Variants in CWF19L2 observed in about 807,000 individuals in gnomAD.
CWF19L2 encodes the protein CWF19 like cell cycle control factor 2.
Under a neutral mutation model 111.7 loss-of-function variants are expected in CWF19L2, and 98 were observed. That is an observed-to-expected ratio of 0.88 (90% CI 0.75 to 1.04). CWF19L2 has a LOEUF of 1.04. Ranked by LOEUF, CWF19L2 falls within the 50% of genes least tolerant of loss-of-function variation. The pLI, the probability that CWF19L2 is intolerant of heterozygous loss-of-function variation, is 0.00. For synonymous variants in CWF19L2, 351 were observed against 342.9 expected, an observed-to-expected ratio of 1.02 and a Z score of -0.26; for missense variants, 1,101 against 1,051.4, an observed-to-expected ratio of 1.05 and a Z score of -0.65.
intron 12 of CWF19L2, among the ~76,000 whole-genome samples, chr11:107,378,597 TCA>T (rs1860632097): frequency 6.6e-6 from 1 of 152,014 alleles, no homozygotes; most frequent in African/African-American, 2.4e-5. Flanking sequence ...AAGGGGAACA[TCA>T]CATTCTGGGG....
At chr11:107,393,613 T>C (rs1177069889) in intron 10 of CWF19L2, among the ~76,000 whole-genome samples, 1 of 152,228 alleles carries the variant, frequency 6.6e-6, no homozygotes, top group Non-Finnish European at 1.5e-5. Flanking sequence ...ATTCACACAA[T>C]TGCCAAGTCA....
Position 107,349,000 on chromosome 11 carries a change from T to A in CWF19L2, c.2139A>T (p.Ile713=). 1 of 1,611,276 alleles carries A rather than the reference T, an allele frequency of 6.2e-7. No individual in the cohort carries two copies. Among genetic ancestry groups the A allele is most frequent in the South Asian group, 1.1e-5 (1 of 90,920 alleles). The change falls in exon 14 of 18, where the codon ATA becomes ATT. Residue 713 remains isoleucine (I), a synonymous_variant. Transcript: ENST00000282251. The part of the protein sequence containing the change: ...VRSLTEGHCL[I]VPLQHHRAAT... The stretch of plus-strand genomic sequence containing the variant: ...CTGCTCTATGGTGCTGCAAAGGGAC[T>A]ATCAGGCAGTGCCCCTCAGTAAGAG...
chr11:107,376,116 T>C (rs1364084276), intron 12 of CWF19L2, among the ~76,000 whole-genome samples: 2,845 of 113,014 alleles, frequency 0.025, 406 homozygotes, highest in African/African-American at 0.098. Flanking sequence ...ATTGTGGCAA[T>C]AATCAATAGC....
At chr11:107,330,365 T>C (rs781439554) in intron 16 of CWF19L2, among the ~76,000 whole-genome samples, 16 of 152,164 alleles carry the variant, frequency 1.1e-4, no homozygotes, top group Non-Finnish European at 2.1e-4. Flanking sequence ...AATAAGTATA[T>C]GCCTTCTTGT....
At chr11:107,394,472 A>T (rs544012101) in intron 10 of CWF19L2, among the ~76,000 whole-genome samples, 5 of 152,158 alleles carry the variant, frequency 3.3e-5, no homozygotes, top group African/African-American at 1.2e-4. Flanking sequence ...ATCTTCCCTG[A>T]TTTGAAAGCA....
intron 13 of CWF19L2, among the ~76,000 whole-genome samples, chr11:107,351,058 A>C (rs1023815088): frequency 3.3e-5 from 5 of 152,232 alleles, no homozygotes; most frequent in Non-Finnish European, 5.9e-5. Context: ...TCTGAAAGCC[A>C]GATCTGACTA....
intron 12 of CWF19L2, among the ~76,000 whole-genome samples, chr11:107,370,263 T>C (rs953584931): frequency 7.3e-6 from 1 of 137,102 alleles, no homozygotes; most frequent in African/African-American, 2.9e-5. Flanking sequence ...GCTAAACAGA[T>C]ATGCTCAATA....
In CWF19L2 at chr11:107,428,979, G is replaced by A. The variant is rs1414063427; in HGVS notation, c.1253C>T (p.Ser418Leu). 1.9e-6 allele frequency: 3 copies of A among 1,613,636 alleles called. No homozygotes were observed. ...PTKNSEERLT[S>L]WSRSDGRGDK... ...TCCTCTCCCATCAGAGCGACTCCAT[G>A]ATGTTAATCTTTCTTCACTGTTCTT... The change falls in exon 8 of 18, where the codon TCA (serine) becomes TTA (leucine). Residue 418 changes from serine (S) to leucine (L), a missense_variant. Physicochemically the swap from Ser to Leu is moderately radical, Grantham distance 145 (BLOSUM62 -2). Transcript: ENST00000282251.
At chr11:107,337,364 G>GTT (rs1208150768) in intron 14 of CWF19L2, among the ~76,000 whole-genome samples, 10 of 123,828 alleles carry the variant, frequency 8.1e-5, no homozygotes, top group Non-Finnish European at 1.3e-4. Context: ...GGAGGTGTGT[G>GTT]TTTTGTGTGT....
At chr11:107,436,471 T>A (rs1489359898) in intron 6 of CWF19L2, among the ~76,000 whole-genome samples, 1 of 152,180 alleles carries the variant, frequency 6.6e-6, no homozygotes, top group East Asian at 1.9e-4. Flanking sequence ...AAAATAGTGA[T>A]AAACTATCAG....
intron 1 of CWF19L2, among the ~76,000 whole-genome samples, chr11:107,456,416 A>T (rs1334370878): frequency 6.6e-6 from 1 of 152,002 alleles, no homozygotes; most frequent in Non-Finnish European, 1.5e-5. Context: ...CCCTCCAAAA[A>T]CTGCTGGAAA....
At chr11:107,402,873 G>GTATA (rs145828149) in intron 10 of CWF19L2, among the ~76,000 whole-genome samples, 3,709 of 94,218 alleles carry the variant, frequency 0.039, 222 homozygotes, top group South Asian at 0.059. Flanking sequence ...ACTGTGGTGT[G>GTATA]TATATATATA....
At chr11:107,338,297 T>C (rs1330552579) in intron 14 of CWF19L2, among the ~76,000 whole-genome samples, 1 of 152,168 alleles carries the variant, frequency 6.6e-6, no homozygotes, top group African/African-American at 2.4e-5. Context: ...CATTCCCTTC[T>C]TCTACCTTCC....
intron 10 of CWF19L2, chr11:107,403,819 C>A (rs1341516109): frequency 6.0e-6 from 5 of 837,850 alleles, no homozygotes; most frequent in South Asian, 1.3e-5. Context: ...GACCGCACAA[C>A]CTTTTAAGTT....
At chr11:107,357,950 C>T (rs972062282) in intron 12 of CWF19L2, among the ~76,000 whole-genome samples, 2 of 152,084 alleles carry the variant, frequency 1.3e-5, no homozygotes, top group African/African-American at 4.8e-5. Flanking sequence ...AAATATGCCT[C>T]TTCATCATTT....
At chr11:107,426,201 C>T (rs1195907630) in intron 8 of CWF19L2, among the ~76,000 whole-genome samples, 1 of 151,474 alleles carries the variant, frequency 6.6e-6, no homozygotes, top group African/African-American at 2.4e-5. Flanking sequence ...AAGGGCAAAA[C>T]ATATGACTAG....
chr11:107,377,899 A>T (rs1211785348), intron 12 of CWF19L2, among the ~76,000 whole-genome samples: 14 of 150,746 alleles, frequency 9.3e-5, no homozygotes, highest in African/African-American at 3.2e-4. Flanking sequence ...GAATCTACAA[A>T]GAACTCAAAC....
intron 12 of CWF19L2, among the ~76,000 whole-genome samples, chr11:107,380,796 C>G (rs1860674150): frequency 6.6e-6 from 1 of 152,064 alleles, no homozygotes; most frequent in Admixed American, 6.6e-5. Context: ...ATTCACACAG[C>G]CAAAAGATGG....
At chr11:107,440,822 G>A (rs1350800649) in intron 5 of CWF19L2, among the ~76,000 whole-genome samples, 1 of 141,776 alleles carries the variant, frequency 7.1e-6, no homozygotes, top group Non-Finnish European at 1.7e-5. Flanking sequence ...AGACCTCTCT[G>A]GTAGCAATCA....
Sources: gnomAD v4.1 joint callset for allele counts (sites outside exome capture counted in the v4.1 genomes callset) on GRCh38, gnomAD v4.1.1 for gene constraint, MANE v1.5 for transcripts, NCBI Gene and HGNC (gene_info 2026-07-23, HGNC 2026-07-21) for gene names.